The following CHD9 variants were observed in gnomAD, a reference collection of about 807,000 sequenced individuals.
The protein encoded by CHD9 is chromodomain helicase DNA binding protein 9.
CHD9 carries 77 observed loss-of-function variants against 316.1 expected under a neutral mutation model. The ratio of observed to expected loss-of-function variants is 0.24; its 90% CI spans 0.20 to 0.29. The LOEUF (loss-of-function observed/expected upper bound fraction) is 0.29. Among genes scored for constraint, CHD9 ranks in the 10% least tolerant of loss-of-function variants. The pLI, the probability that CHD9 is intolerant of heterozygous loss-of-function variation, is 1.00. For synonymous variants in CHD9, 1,129 were observed against 1,158.3 expected, an observed-to-expected ratio of 0.97 and a Z score of 0.51; for missense variants, 2,763 against 3,438.1, an observed-to-expected ratio of 0.80 and a Z score of 4.91.
intron 1 of CHD9, among the ~76,000 whole-genome samples, chr16:53,092,450 C>G (rs1029512754): frequency 6.6e-6 from 1 of 152,210 alleles, no homozygotes; most frequent in Non-Finnish European, 1.5e-5. Flanking sequence ...TGTTGTCACT[C>G]AGCTCTTTAC....
intron 19 of CHD9, among the ~76,000 whole-genome samples, chr16:53,256,497 A>G (rs543730332): frequency 1.4e-5 from 2 of 143,174 alleles, no homozygotes; most frequent in East Asian, 4.1e-4. Context: ...TAATTTTTGT[A>G]ATTTTAGTAG....
intron 29 of CHD9, among the ~76,000 whole-genome samples, chr16:53,296,232 A>G (rs2054775945): frequency 6.6e-6 from 1 of 152,160 alleles, no homozygotes; most frequent in Admixed American, 6.5e-5. Context: ...GTATTACCTT[A>G]TACTATAAAT....
chr16:53,210,774 T>C lies in CHD9; in HGVS notation c.1784+961T>C, dbSNP rs192452790. 3.4e-3 allele frequency among the ~76,000 whole-genome samples: 517 copies of C among 152,216 alleles called. 2 individuals carry two copies. The highest frequency in any genetic ancestry group is 5.3e-3 in the Non-Finnish European group (358 of 67,934). On this transcript the variant is annotated intron_variant, in intron 3 of 38. Coordinates refer to ENST00000447540, the MANE Select transcript of CHD9 (RefSeq NM_001308319.2). Reference sequence around the variant, plus strand: ...GATATTTAGAACTAATGCAATTTTATAAATCAAATGAATTCTTAGCATTTT... The same window carrying C: ...GATATTTAGAACTAATGCAATTTTACAAATCAAATGAATTCTTAGCATTTT...
Position 53,324,943 on chromosome 16 carries a change from TTAA to T in CHD9, c.*53_*55del. On this transcript the variant is annotated 3_prime_UTR_variant, in exon 39 of 39. Coordinates refer to ENST00000447540, the MANE Select transcript of CHD9 (RefSeq NM_001308319.2). Reference sequence around the variant, plus strand: ...TATGAACTGATTTTGGATTTTTTCTTTAATAATTAATTGTAAATACCCCAGTGT... The same window carrying T: ...TATGAACTGATTTTGGATTTTTTCTTTAATTAATTGTAAATACCCCAGTGT... 1 of 1,445,344 alleles carries T rather than the reference TTAA, an allele frequency of 6.9e-7. No homozygotes were observed. Among genetic ancestry groups the T allele is most frequent in the Non-Finnish European group, 9.2e-7 (1 of 1,084,358 alleles). The allele number at this position is 1,445,344 out of a possible 1,614,324, so 89.5% of individuals were successfully genotyped here. A position where few individuals can be genotyped will look rare whatever the true frequency, so the allele number is the denominator to read the frequency against.
chr16:53,100,453 C>CTTTT (rs61450186), intron 1 of CHD9, among the ~76,000 whole-genome samples: 3 of 129,648 alleles, frequency 2.3e-5, no homozygotes, highest in East Asian at 2.2e-4. Context: ...ACTCATTCGT[C>CTTTT]TTTTTTTTTT....
At chr16:53,249,254 A>G (rs1466777343) in intron 16 of CHD9, among the ~76,000 whole-genome samples, 1 of 152,192 alleles carries the variant, frequency 6.6e-6, no homozygotes, top group Non-Finnish European at 1.5e-5. Context: ...AGTGTGTCAG[A>G]TGTCATATGT....
intron 1 of CHD9, among the ~76,000 whole-genome samples, chr16:53,079,698 AG>A (rs1204002082): frequency 1.3e-5 from 2 of 152,250 alleles, no homozygotes; most frequent in Admixed American, 1.3e-4. Flanking sequence ...GCCCCTCGAA[AG>A]GGGCTGGGGG....
chr16:53,296,646 C>T (rs1047535029), intron 29 of CHD9, among the ~76,000 whole-genome samples: 5 of 151,764 alleles, frequency 3.3e-5, no homozygotes, highest in African/African-American at 1.2e-4. Context: ...GGGGTTTCAC[C>T]ATGTTAGCCA....
At chr16:53,074,353 G>C (rs1214954755) in intron 1 of CHD9, among the ~76,000 whole-genome samples, 1 of 152,194 alleles carries the variant, frequency 6.6e-6, no homozygotes, top group Non-Finnish European at 1.5e-5. Flanking sequence ...CAATGCAATA[G>C]AAAAGCAAAT....
rs137926729 is a variant in CHD9, at chr16:53,092,903, C to T, written c.-165+37826C>T. Among the ~76,000 whole-genome samples the T allele has an allele frequency of 3.1e-3, 473 of 152,230 alleles. 5 individuals carry two copies. Among genetic ancestry groups the T allele is most frequent in the African/African-American group, 0.011 (446 of 41,534 alleles). On this transcript the variant is annotated intron_variant, in intron 1 of 38. Coordinates refer to ENST00000447540, the MANE Select transcript of CHD9 (RefSeq NM_001308319.2). ...AAGTGATCCTCCCATTTCAGCCTCT[C>T]GAATAGCTGGGACTACAGGCGTGCA...
chr16:53,308,093 T>G, intron 33 of CHD9, 140 bp downstream of exon 33: 1 of 736,532 alleles, frequency 1.4e-6, no homozygotes, highest in East Asian at 2.7e-5. Context: ...CTTTCTGATA[T>G]CCAGGTTATT....
intron 24 of CHD9, among the ~76,000 whole-genome samples, chr16:53,282,608 A>G (rs563916958): frequency 7.2e-5 from 11 of 152,288 alleles, no homozygotes; most frequent in Admixed American, 5.2e-4. Flanking sequence ...CACTGTCTCA[A>G]AAAAACAGAA....
intron 34 of CHD9, among the ~76,000 whole-genome samples, chr16:53,310,375 G>A (rs374781327): frequency 1.3e-5 from 2 of 151,548 alleles, no homozygotes; most frequent in East Asian, 3.9e-4. Context: ...TAAGCTGTGC[G>A]TTCTTTTGCC....
At chr16:53,208,127 G>A in intron 2 of CHD9, 1 of 1,062,640 alleles carries the variant, frequency 9.4e-7, no homozygotes, top group Non-Finnish European at 1.1e-6. Context: ...TAAATAGGAT[G>A]AACAGTAGAT....
chr16:53,153,624 G>C (rs1302879973), intron 1 of CHD9, among the ~76,000 whole-genome samples: 2 of 152,114 alleles, frequency 1.3e-5, no homozygotes, highest in Non-Finnish European at 2.9e-5. Flanking sequence ...AATCTCTCAG[G>C]CTCAAGCGAT....
intron 26 of CHD9, among the ~76,000 whole-genome samples, chr16:53,287,618 T>C (rs1597831188): frequency 1.3e-5 from 2 of 152,224 alleles, no homozygotes; most frequent in East Asian, 1.9e-4. Context: ...TCCCAGCTAC[T>C]CGGGAGGCTG....
At chr16:53,200,389 A>C (rs999403472) in intron 2 of CHD9, among the ~76,000 whole-genome samples, 1 of 149,968 alleles carries the variant, frequency 6.7e-6, no homozygotes, top group Non-Finnish European at 1.5e-5. Context: ...AAAAAAAAAA[A>C]ACCACAAAAA....
At chr16:53,288,617 G>A (rs956666013) in intron 27 of CHD9, among the ~76,000 whole-genome samples, 1 of 152,274 alleles carries the variant, frequency 6.6e-6, no homozygotes, top group African/African-American at 2.4e-5. Context: ...TAGCTAAGGG[G>A]CTTGATGCCT....
chr16:53,259,845 C>T (rs12934164), intron 19 of CHD9, among the ~76,000 whole-genome samples: 4,329 of 152,104 alleles, frequency 0.028, 269 homozygotes, highest in Admixed American at 0.14. Context: ...CTCCAGTTCA[C>T]GTAAGGCAAA....
Sources: gnomAD v4.1 joint callset for allele counts (sites outside exome capture counted in the v4.1 genomes callset) on GRCh38, gnomAD v4.1.1 for gene constraint, MANE v1.5 for transcripts, NCBI Gene and HGNC (gene_info 2026-07-23, HGNC 2026-07-21) for gene names.